The following LSAMP variants were observed in gnomAD, a reference collection of about 807,000 sequenced individuals.
LSAMP encodes limbic system associated membrane protein.
A neutral mutation model predicts 38.6 loss-of-function variants in LSAMP; 7 were observed. The ratio of observed to expected loss-of-function variants is 0.18; its 90% confidence interval spans 0.10 to 0.34. LSAMP has a LOEUF of 0.34. Ranked by LOEUF, LSAMP falls within the 10% of genes least tolerant of loss-of-function variation. The pLI is 1.00. For missense variants in LSAMP, 313 were observed against 420.0 expected (o/e 0.75, Z 2.23); for synonymous variants, 154 against 166.8 (o/e 0.92, Z 0.59).
At chr3:116,145,830 C>T (rs1709478374) in intron 1 of LSAMP, among the ~76,000 whole-genome samples, 1 of 151,738 alleles carries the variant, frequency 6.6e-6, no homozygotes, top group Admixed American at 6.6e-5. Flanking sequence ...ATTTTACTTT[C>T]AGCTGTGTCT....
intron 3 of LSAMP, among the ~76,000 whole-genome samples, chr3:115,854,439 C>T (rs898366842): frequency 6.6e-5 from 10 of 151,438 alleles, no homozygotes; most frequent in Non-Finnish European, 1.0e-4. Flanking sequence ...CCCGCCACTG[C>T]GCCCGGCTAA....
At chr3:115,993,184 C>T (rs1269114395) in intron 3 of LSAMP, among the ~76,000 whole-genome samples, 1 of 151,992 alleles carries the variant, frequency 6.6e-6, no homozygotes, top group Non-Finnish European at 1.5e-5. Context: ...TAAATAAATG[C>T]TTGGAAAAAG....
At chr3:116,366,023 A>T (rs1244281206) in intron 1 of LSAMP, among the ~76,000 whole-genome samples, 1 of 142,384 alleles carries the variant, frequency 7.0e-6, no homozygotes, top group African/African-American at 2.6e-5. Flanking sequence ...TAAAAAAAAA[A>T]AAAAAAAAAA....
At chr3:116,180,251 T>C (rs746226648) in intron 1 of LSAMP, among the ~76,000 whole-genome samples, 2 of 152,136 alleles carry the variant, frequency 1.3e-5, no homozygotes, top group Non-Finnish European at 2.9e-5. Context: ...TGGACATTAT[T>C]CAAATAACTG....
intron 1 of LSAMP, among the ~76,000 whole-genome samples, chr3:116,229,435 T>G (rs376671289): frequency 5.3e-5 from 8 of 152,234 alleles, no homozygotes; most frequent in African/African-American, 1.9e-4. Context: ...ATACAGGCAA[T>G]TGCCAACATA....
At chr3:116,147,274 G>A (rs1332291338) in intron 1 of LSAMP, among the ~76,000 whole-genome samples, 1 of 151,828 alleles carries the variant, frequency 6.6e-6, no homozygotes, top group Non-Finnish European at 1.5e-5. Flanking sequence ...CATCATCTCT[G>A]TGTTTAATAT....
intron 1 of LSAMP, among the ~76,000 whole-genome samples, chr3:116,300,900 T>G (rs1488789265): frequency 6.6e-6 from 1 of 152,142 alleles, no homozygotes; most frequent in Non-Finnish European, 1.5e-5. Context: ...ATGCTCATTT[T>G]GGGGAAGTGA....
chr3:116,269,434 TTGCTTGGTACACAG>T (rs755010644), intron 1 of LSAMP, among the ~76,000 whole-genome samples: 27 of 152,080 alleles, frequency 1.8e-4, no homozygotes, highest in Non-Finnish European at 3.8e-4. Flanking sequence ...ATCCTACACA[TTGCTTGGTACACAG>T]TGCTCAACAA....
At chr3:116,087,427 G>T (rs1016188879) in intron 1 of LSAMP, among the ~76,000 whole-genome samples, 2 of 152,160 alleles carry the variant, frequency 1.3e-5, no homozygotes, top group Non-Finnish European at 2.9e-5. Context: ...GGTGAGTATG[G>T]TTTTCTCCTT....
chr3:116,444,844 G>A (rs1422838835), intron 1 of LSAMP, 33 bp downstream of exon 1: 4 of 1,612,712 alleles, frequency 2.5e-6, no homozygotes, highest in African/African-American at 1.3e-5. Flanking sequence ...ACGTGTAGAC[G>A]CGCGCAGCAG....
chr3:115,861,495 T>A (rs1935700248), intron 3 of LSAMP, among the ~76,000 whole-genome samples: 1 of 145,900 alleles, frequency 6.9e-6, no homozygotes, highest in Non-Finnish European at 1.5e-5. Context: ...CTGGGCTCAA[T>A]GAGAGAGAGT....
At chr3:116,439,694 GTA>G (rs2049406105) in intron 1 of LSAMP, among the ~76,000 whole-genome samples, 1 of 152,186 alleles carries the variant, frequency 6.6e-6, no homozygotes, top group African/African-American at 2.4e-5. Flanking sequence ...ACCCTGTAGG[GTA>G]ACTAAAATAG....
At chr3:116,214,594 C>T (rs995067296) in intron 1 of LSAMP, among the ~76,000 whole-genome samples, 1 of 150,878 alleles carries the variant, frequency 6.6e-6, no homozygotes, top group Non-Finnish European at 1.5e-5. Context: ...ACCTCTGCCT[C>T]CTGGGTTCAA....
intron 3 of LSAMP, among the ~76,000 whole-genome samples, chr3:115,904,325 A>G (rs1298205131): frequency 6.6e-6 from 1 of 152,154 alleles, no homozygotes; most frequent in Non-Finnish European, 1.5e-5. Context: ...GTAACTTAGA[A>G]AAAGGGATCC....
At chr3:116,079,794 G>C (rs1421932704) in intron 2 of LSAMP, among the ~76,000 whole-genome samples, 1 of 151,820 alleles carries the variant, frequency 6.6e-6, no homozygotes, top group African/African-American at 2.4e-5. Flanking sequence ...GTAGCAAACT[G>C]AAAACAATAG....
intron 3 of LSAMP, among the ~76,000 whole-genome samples, chr3:115,985,087 C>T (rs4518124): frequency 1.3e-5 from 2 of 151,924 alleles, no homozygotes; most frequent in Non-Finnish European, 2.9e-5. Flanking sequence ...ATTTAGACTA[C>T]TATGCTCAAA....
At chr3:116,339,627 G>A (rs1029422442) in intron 1 of LSAMP, among the ~76,000 whole-genome samples, 5 of 151,890 alleles carry the variant, frequency 3.3e-5, no homozygotes, top group African/African-American at 7.3e-5. Flanking sequence ...GGTGATACTC[G>A]GTGATTTCCA....
At chr3:116,185,538 C>T (rs999679436) in intron 1 of LSAMP, among the ~76,000 whole-genome samples, 2 of 151,994 alleles carry the variant, frequency 1.3e-5, no homozygotes, top group Admixed American at 1.3e-4. Flanking sequence ...ACTCAGTTTT[C>T]ATTTATACTC....
intron 1 of LSAMP, among the ~76,000 whole-genome samples, chr3:116,247,096 G>A (rs985941509): frequency 1.8e-4 from 27 of 152,162 alleles, no homozygotes; most frequent in Non-Finnish European, 3.8e-4. Context: ...AATTCATGCA[G>A]GGCTTACATT....
Sources: gnomAD v4.1 joint callset for allele counts (sites outside exome capture counted in the v4.1 genomes callset) on GRCh38, gnomAD v4.1.1 for gene constraint, MANE v1.5 for transcripts, NCBI Gene and HGNC (gene_info 2026-07-23, HGNC 2026-07-21) for gene names.